The following ZNF420 variants were observed in gnomAD, a reference collection of about 807,000 sequenced individuals.
ZNF420 encodes the protein ATM and p53-associated KZNF protein.
Under a neutral mutation model 44.7 loss-of-function variants are expected in ZNF420, and 31 were observed. The ratio of observed to expected loss-of-function variants is 0.69; its 90% CI spans 0.52 to 0.94. The LOEUF (loss-of-function observed/expected upper bound fraction) is 0.94, where lower values mean the gene tolerates loss of function less well. Ranked by LOEUF, ZNF420 falls within the 40% of genes least tolerant of loss-of-function variation. The pLI is 0.00. For missense variants in ZNF420, 681 were observed against 827.9 expected, an observed-to-expected ratio of 0.82 and a Z score of 2.18; for synonymous variants, 245 against 267.4, an observed-to-expected ratio of 0.92 and a Z score of 0.82.
At chr19:37,047,932 G>T (rs188199786) in intron 1 of ZNF420, among the ~76,000 whole-genome samples, 2 of 152,084 alleles carry the variant, frequency 1.3e-5, no homozygotes, top group African/African-American at 4.8e-5. Flanking sequence ...CAGATTCATC[G>T]ATGGCTTGGC....
At chr19:37,121,119 A>G (rs550105665) in intron 4 of ZNF420, among the ~76,000 whole-genome samples, 1,924 of 147,480 alleles carry the variant, frequency 0.013, 16 homozygotes, top group Middle Eastern at 0.05. Flanking sequence ...AATTGGAAAA[A>G]ACTACTTTAA....
chr19:37,040,640 G>A (rs1967436327), intron 1 of ZNF420, among the ~76,000 whole-genome samples: 1 of 152,118 alleles, frequency 6.6e-6, no homozygotes, highest in Non-Finnish European at 1.5e-5. Context: ...AAGGACTCTT[G>A]GGTCTCCTTC....
chr19:37,055,945 ACT>A (rs1293081758), intron 1 of ZNF420, among the ~76,000 whole-genome samples: 2 of 151,802 alleles, frequency 1.3e-5, no homozygotes, highest in African/African-American at 4.8e-5. Flanking sequence ...CCCGTGGACT[ACT>A]CTCTAAACCG....
At chr19:37,027,158 A>T (rs1442097764) in intron 1 of ZNF420, among the ~76,000 whole-genome samples, 1 of 152,206 alleles carries the variant, frequency 6.6e-6, no homozygotes, top group Admixed American at 6.5e-5. Flanking sequence ...AAGAGTTTAA[A>T]ACATTTTTAA....
intron 4 of ZNF420, among the ~76,000 whole-genome samples, chr19:37,117,732 T>C (rs986008061): frequency 1.3e-5 from 2 of 152,138 alleles, no homozygotes; most frequent in African/African-American, 4.8e-5. Flanking sequence ...GAAATAAAAA[T>C]TATACGTATG....
At chr19:37,088,050 C>T (rs1458084431) in intron 2 of ZNF420, among the ~76,000 whole-genome samples, 2 of 152,188 alleles carry the variant, frequency 1.3e-5, no homozygotes, top group African/African-American at 4.8e-5. Flanking sequence ...GCCACATGGT[C>T]TCTGCTGCAA....
chr19:37,085,936 T>TTTTTTTA (rs113953981), intron 2 of ZNF420, among the ~76,000 whole-genome samples: 3 of 137,758 alleles, frequency 2.2e-5, no homozygotes, highest in Non-Finnish European at 4.6e-5. Context: ...TGGCTGATGT[T>TTTTTTTA]TTATTATTAT....
intron 1 of ZNF420, among the ~76,000 whole-genome samples, chr19:37,062,697 A>G (rs1443282068): frequency 1.3e-5 from 2 of 152,156 alleles, no homozygotes; most frequent in Non-Finnish European, 2.9e-5. Flanking sequence ...TTCCTGCCTT[A>G]TAGAATAAGA....
chr19:37,100,448 C>T (rs1453205814), intron 4 of ZNF420, among the ~76,000 whole-genome samples: 1 of 152,140 alleles, frequency 6.6e-6, no homozygotes, highest in Non-Finnish European at 1.5e-5. Context: ...CGCAGTGGCT[C>T]ACACCTGTAA....
At chr19:37,057,616 G>A (rs1386477563) in intron 1 of ZNF420, among the ~76,000 whole-genome samples, 2 of 151,840 alleles carry the variant, frequency 1.3e-5, no homozygotes, top group Non-Finnish European at 1.5e-5. Flanking sequence ...CTTTTTTTTG[G>A]TCTCTGCCTG....
intron 1 of ZNF420, among the ~76,000 whole-genome samples, chr19:37,043,219 G>A (rs1967489494): frequency 1.3e-5 from 2 of 152,196 alleles, no homozygotes; most frequent in South Asian, 2.1e-4. Flanking sequence ...ACAGATAGAC[G>A]CTCCACACAT....
chr19:37,019,201 G>A (rs78176294), intron 1 of ZNF420, among the ~76,000 whole-genome samples: 2,110 of 152,246 alleles, frequency 0.014, 44 homozygotes, highest in Admixed American at 0.054. Context: ...AGACTTCAGA[G>A]ACTTCACGTC....
intron 1 of ZNF420, among the ~76,000 whole-genome samples, chr19:37,065,568 G>GTC (rs1967955520): frequency 6.6e-6 from 1 of 152,238 alleles, no homozygotes; most frequent in African/African-American, 2.4e-5. Flanking sequence ...AGCAAATGGA[G>GTC]ACATTGGACT....
rs2146469132 is a variant in ZNF420 at position 37,078,484 on chromosome 19, G to A, written c.-211G>A. ...AGGGCCGCGTCTGTGGAGGAGCTTG[G>A]CTCCGCACCTGCTGGGCTGGCGAAC... On this transcript the variant is annotated 5_prime_UTR_variant, in exon 1 of 5. Transcript: ENST00000337995. 1 of 152,312 alleles carries A rather than the reference G, an allele frequency of 6.6e-6. No homozygotes were observed. The highest frequency in any genetic ancestry group is 1.5e-5 in the Non-Finnish European group (1 of 68,148). The allele number at this position is 152,312 out of a possible 1,614,324, so 9.4% of individuals were successfully genotyped here.
At chr19:37,014,965 T>A (rs2074599036) in intron 1 of ZNF420, among the ~76,000 whole-genome samples, 1 of 152,160 alleles carries the variant, frequency 6.6e-6, no homozygotes, top group Non-Finnish European at 1.5e-5. Context: ...GCCTAGATAG[T>A]TTAGGGGTGA....
intron 1 of ZNF420, among the ~76,000 whole-genome samples, chr19:37,022,131 T>C (rs976673857): frequency 2.0e-5 from 3 of 151,708 alleles, no homozygotes; most frequent in Admixed American, 6.6e-5. Flanking sequence ...TATTTAGATG[T>C]AGAAAATTAT....
At chr19:37,068,374 TCATGC>T (rs1462231720) in intron 1 of ZNF420, among the ~76,000 whole-genome samples, 1 of 152,144 alleles carries the variant, frequency 6.6e-6, no homozygotes, top group Non-Finnish European at 1.5e-5. Context: ...GCGCGGTGGC[TCATGC>T]CTGTAATCCC....
At chr19:37,088,915 C>T in intron 2 of ZNF420, 124 bp from the exon 3 acceptor site, 1 of 565,692 alleles carries the variant, frequency 1.8e-6, no homozygotes, top group Non-Finnish European at 3.2e-6. Context: ...TATGTCTGTC[C>T]CCCTTAGTGT....
chr19:37,120,284 T>A (rs922270444), intron 4 of ZNF420, among the ~76,000 whole-genome samples: 1 of 152,168 alleles, frequency 6.6e-6, no homozygotes, highest in African/African-American at 2.4e-5. Context: ...CATGATCAAG[T>A]GGGCTTCATC....
Sources: allele counts gnomAD v4.1 joint callset (sites outside exome capture counted in the v4.1 genomes callset), GRCh38; gene constraint gnomAD v4.1.1; transcripts MANE v1.5; gene names NCBI Gene and HGNC (gene_info 2026-07-23, HGNC 2026-07-21).